Variants in PRTFDC1 observed in about 807,000 individuals in gnomAD.
PRTFDC1 encodes the protein phosphoribosyltransferase domain-containing protein 1.
PRTFDC1 carries 38 observed loss-of-function variants against 34.6 expected under a neutral mutation model. The observed-to-expected ratio is 1.10, with a 90% confidence interval of 0.85 to 1.44. PRTFDC1 has a LOEUF of 1.44. PRTFDC1 is among the 40% of genes most tolerant of loss of function. The pLI is 0.00. For missense variants in PRTFDC1, 270 were observed against 283.0 expected (o/e 0.95, Z 0.33); for synonymous variants, 93 against 98.1 (o/e 0.95, Z 0.31).
intron 6 of PRTFDC1, 85 bp from the exon 7 acceptor site, chr10:24,855,449 C>T: frequency 3.3e-6 from 5 of 1,505,060 alleles, no homozygotes; most frequent in Non-Finnish European, 4.6e-6. Flanking sequence ...AAAAGATGTA[C>T]TTGAAATACA....
chr10:24,869,799 C>T (rs1847844575), intron 4 of PRTFDC1, among the ~76,000 whole-genome samples: 1 of 152,190 alleles, frequency 6.6e-6, no homozygotes, highest in Non-Finnish European at 1.5e-5. Context: ...TTCTCTCCAC[C>T]TCTCAACTAA....
intron 3 of PRTFDC1, among the ~76,000 whole-genome samples, chr10:24,929,735 A>G (rs61854331): frequency 0.15 from 22,216 of 152,124 alleles, 1,854 homozygotes; most frequent in East Asian, 0.28. Context: ...CATTTGAGAG[A>G]GAATAAAGGG....
intron 3 of PRTFDC1, among the ~76,000 whole-genome samples, chr10:24,880,880 CCTCTTTCCTTCCTTTCTTTCT>C (rs1317952284): frequency 2.9e-5 from 2 of 68,564 alleles, no homozygotes; most frequent in Non-Finnish European, 3.1e-5. Context: ...TCTTTCTTTC[CCTCTTTCCTTCCTTTCTTTCT>C]TTCCATCTTT....
intron 3 of PRTFDC1, among the ~76,000 whole-genome samples, chr10:24,872,803 TATA>T (rs1847898008): frequency 2.5e-5 from 3 of 121,578 alleles, no homozygotes; most frequent in East Asian, 4.6e-4. Context: ...TATATATATA[TATA>T]TTTTTTTTTT....
chr10:24,863,173 G>C (rs2184645), intron 4 of PRTFDC1, among the ~76,000 whole-genome samples: 18,009 of 151,784 alleles, frequency 0.12, 1,346 homozygotes, highest in South Asian at 0.21. Context: ...TCACTGTGAC[G>C]CCCCCTAGAC....
At chr10:24,938,714 T>C (rs1181282411) in intron 2 of PRTFDC1, among the ~76,000 whole-genome samples, 1 of 152,164 alleles carries the variant, frequency 6.6e-6, no homozygotes, top group Non-Finnish European at 1.5e-5. Flanking sequence ...TCTTCATGCA[T>C]CTCAATTGAC....
intron 3 of PRTFDC1, among the ~76,000 whole-genome samples, chr10:24,935,810 T>C (rs11014308): frequency 0.2 from 30,622 of 152,172 alleles, 4,656 homozygotes; most frequent in African/African-American, 0.43. Flanking sequence ...GGGTAATTGA[T>C]GCAAACACCT....
chr10:24,879,436 C>T (rs891483729), intron 3 of PRTFDC1, among the ~76,000 whole-genome samples: 4 of 151,982 alleles, frequency 2.6e-5, no homozygotes, highest in African/African-American at 4.8e-5. Flanking sequence ...CTCCGCCTCC[C>T]GGGATCAAGC....
intron 4 of PRTFDC1, among the ~76,000 whole-genome samples, chr10:24,870,946 C>A (rs1408968708): frequency 6.6e-6 from 1 of 151,720 alleles, no homozygotes; most frequent in African/African-American, 2.4e-5. Context: ...GTGGCAGGTG[C>A]CTGTAATCCC....
At chr10:24,948,743 T>C (rs1392678438) in intron 1 of PRTFDC1, among the ~76,000 whole-genome samples, 1 of 152,214 alleles carries the variant, frequency 6.6e-6, no homozygotes, top group African/African-American at 2.4e-5. Context: ...AATGCCTACC[T>C]CAACGATCTT....
intron 3 of PRTFDC1, among the ~76,000 whole-genome samples, chr10:24,881,953 T>C (rs1848085620): frequency 6.6e-6 from 1 of 151,970 alleles, no homozygotes. Context: ...ATATCTGTAA[T>C]CCCAGAACTT....
intron 3 of PRTFDC1, among the ~76,000 whole-genome samples, chr10:24,880,838 T>TCTTC (rs1555046645): frequency 4.9e-5 from 7 of 144,180 alleles, no homozygotes; most frequent in African/African-American, 1.9e-4. Flanking sequence ...TTTCTTTCTT[T>TCTTC]CTTTCTTTCT....
At chr10:24,853,322 A>T (rs1259170125) in intron 7 of PRTFDC1, among the ~76,000 whole-genome samples, 1 of 152,052 alleles carries the variant, frequency 6.6e-6, no homozygotes, top group Non-Finnish European at 1.5e-5. Context: ...TCAAAAAGAA[A>T]AAAAAAAGGT....
intron 3 of PRTFDC1, 48 bp downstream of exon 3, chr10:24,937,136 A>C (rs770245175): frequency 6.8e-7 from 1 of 1,461,362 alleles, no homozygotes; most frequent in Non-Finnish European, 9.3e-7. Flanking sequence ...TTTTATCCTA[A>C]AGCATTGTTA....
At chr10:24,854,787 G>A (rs1411569341) in intron 7 of PRTFDC1, among the ~76,000 whole-genome samples, 2 of 152,156 alleles carry the variant, frequency 1.3e-5, no homozygotes, top group African/African-American at 4.8e-5. Context: ...GTTTGGAGGT[G>A]AAGGGGAGCT....
intron 3 of PRTFDC1, among the ~76,000 whole-genome samples, chr10:24,909,490 T>C (rs1015406370): frequency 6.6e-6 from 1 of 152,088 alleles, no homozygotes; most frequent in Non-Finnish European, 1.5e-5. Flanking sequence ...GCCTTTTTTG[T>C]CCCCCTAATT....
Position 24,951,632 on chromosome 10 carries a change from C to T in PRTFDC1, c.48+896G>A. 5 of 984,234 alleles carry T rather than the reference C, an allele frequency of 5.1e-6. No homozygotes were observed. The South Asian group carries it at 2.4e-4, about 46-fold the overall frequency. 61.0% of individuals were successfully genotyped at this position (984,234 alleles called of 1,614,324 possible). A position where few individuals can be genotyped will look rare whatever the true frequency, so the allele number is the denominator to read the frequency against. On this transcript the variant is annotated intron_variant, in intron 1 of 8. Transcript: ENST00000320152. ...CCTGGAAAGAGATGGCAAGTTAGCC[C>T]CACCCACCATCCTCACCACCATTGA...
chr10:24,910,451 A>T (rs1387933055), intron 3 of PRTFDC1, among the ~76,000 whole-genome samples: 1 of 152,210 alleles, frequency 6.6e-6, no homozygotes, highest in East Asian at 1.9e-4. Flanking sequence ...CTGCTGGACA[A>T]TTAAGATAAT....
chr10:24,872,807 T>TATATATA (rs1491555567), intron 3 of PRTFDC1, among the ~76,000 whole-genome samples: 171 of 83,322 alleles, frequency 2.1e-3, no homozygotes, highest in African/African-American at 0.012. Context: ...TATATATATA[T>TATATATA]TTTTTTTTTT....
Sources: allele counts gnomAD v4.1 joint callset (sites outside exome capture counted in the v4.1 genomes callset), GRCh38; gene constraint gnomAD v4.1.1; transcripts MANE v1.5; gene names NCBI Gene and HGNC (gene_info 2026-07-23, HGNC 2026-07-21).